The following APOB variants were observed in gnomAD, a reference collection of about 807,000 sequenced individuals.
APOB encodes apolipoprotein B-100.
APOB carries 153 observed loss-of-function variants against 314.1 expected under a neutral mutation model. The ratio of observed to expected loss-of-function variants is 0.49; its 90% CI spans 0.43 to 0.56. APOB has a LOEUF of 0.56. APOB is among the 20% of genes least tolerant of loss of function. The pLI, the probability that APOB is intolerant of heterozygous loss-of-function variation, is 0.00. For synonymous variants in APOB, 2,087 were observed against 2,036.4 expected, an observed-to-expected ratio of 1.02 and a Z score of -0.67; for missense variants, 5,430 against 5,350.7, an observed-to-expected ratio of 1.01 and a Z score of -0.46.
chr2:21,022,884 C>T lies in APOB; in HGVS notation c.2763G>A (p.Lys921=), dbSNP rs1161799540. The change falls in exon 18 of 29, where the codon AAG becomes AAA. Residue 921 remains lysine (K), a synonymous_variant. Coordinates refer to ENST00000233242, the MANE Select transcript of APOB (RefSeq NM_000384.3). ...LEAHVALKAG[K]LKFIIPSPKR... is the part of the protein sequence containing the mutation. ...TTGGGGAAGGAATGATAAACTTCAG[C>T]TTCCCAGCTTTTAGGGCAACATGAG... 5 of 1,614,062 alleles carry T rather than the reference C, an allele frequency of 3.1e-6. No individual in the cohort carries two copies. The South Asian group carries it at 4.4e-5, about 14-fold the overall frequency.
At chr2:21,014,388 A>G in intron 24 of APOB, 60 bp downstream of exon 24, 2 of 1,589,500 alleles carry the variant, frequency 1.3e-6, no homozygotes, top group Non-Finnish European at 8.6e-7. Context: ...AAATCATGCT[A>G]TGTAAAATCT....
chr2:21,002,288 A>G lies in APOB; in HGVS notation c.13134T>C (p.His4378=), dbSNP rs201037997. The G allele has an allele frequency of 5.3e-5, 85 of 1,613,980 alleles. No individual in the cohort carries two copies. The highest frequency in any genetic ancestry group is 4.2e-6 in the Non-Finnish European group (5 of 1,179,982). Residue 4378 remains histidine, a synonymous_variant, in exon 29 of 29, where the codon CAT becomes CAC. Coordinates refer to ENST00000233242, the MANE Select transcript of APOB (RefSeq NM_000384.3). ...QEASQELQQI[H]QYIMALREEY... ...CTTCACGAAGGGCCATAATGTATTG[A>G]TGGATCTGCTGTAACTCTTGAGAAG...
rs1367021889 is a variant in APOB, at chr2:21,009,063, A to C, written c.7805T>G (p.Val2602Gly). The change falls in exon 26 of 29, where the codon GTC becomes GGC. Residue 2602 changes from valine to glycine, a missense_variant. Physicochemically the swap from Val to Gly is moderately radical, Grantham distance 109 (BLOSUM62 -3). Transcript: ENST00000233242. ...TILGTMPAFE[V>G]SLQALQKATF... ...AGCTTTCTGAAGAGCCTGAAGACTG[A>C]CTTCAAAGGCAGGCATGGTCCCAAG... 1.6e-5 allele frequency: 26 copies of C among 1,614,114 alleles called. No individual in the cohort carries two copies. The highest frequency in any genetic ancestry group is 2.0e-5 in the Non-Finnish European group (24 of 1,179,968).
chr2:21,019,232 C>T (rs1196734988), intron 19 of APOB, 119 bp from the exon 20 acceptor site: 11 of 1,312,312 alleles, frequency 8.4e-6, no homozygotes, highest in Non-Finnish European at 1.1e-5. Flanking sequence ...TTAACATTGT[C>T]TCTTGCCCTT....
chr2:21,011,928 A>C lies in APOB; in HGVS notation c.4940T>G (p.Ile1647Ser). The C allele has an allele frequency of 6.2e-7, 1 of 1,614,040 alleles. No individual in the cohort carries two copies. Reference protein sequence around the residue: ...NSGAHKATLRIGQDGISTSAT... With the variant: ...NSGAHKATLRSGQDGISTSAT... ...ACTGGTAGATATTCCATCTTGGCCA[A>C]TCCTTAGTGTCGCCTTGTGAGCACC... is the stretch of plus-strand genomic sequence containing the variant. The change falls in exon 26 of 29, where the codon ATT becomes AGT. Residue 1647 changes from isoleucine to serine, a missense_variant. Physicochemically the swap from Ile to Ser is moderately radical, Grantham distance 142. Transcript: ENST00000233242.
Position 21,032,407 on chromosome 2 carries a change from C to T in APOB, c.1299G>A (p.Ala433=), listed in dbSNP as rs1015207876. The part of the protein sequence containing the change: ...AQQLREIFNM[A]RDQRSRATLY... ...AGGTGGCTCGGCTGCGCTGATCCCT[C>T]GCCATGTTGAAGATCTCTCGCAGCT... Residue 433 remains alanine (A), a synonymous_variant, in exon 10 of 29, where the codon GCG becomes GCA. Transcript: ENST00000233242. 1.9e-5 allele frequency: 30 copies of T among 1,614,016 alleles called. No individual in the cohort carries two copies. Among genetic ancestry groups the T allele is most frequent in the East Asian group, 2.2e-5 (1 of 44,874 alleles).
chr2:21,005,174 C>T lies in APOB; in HGVS notation c.11694G>A (p.Trp3898Ter). Residue 3898 changes from tryptophan (W) to a stop codon, truncating the protein, a stop_gained, in exon 26 of 29, where the codon TGG becomes TGA. Coordinates refer to ENST00000233242, the MANE Select transcript of APOB (RefSeq NM_000384.3). LOFTEE classifies it high-confidence loss of function. ...CTGCTTTGTTTTTCAAACTGGCACT[C>T]CAAGTGGCATTATACACGGGAGAGT... The part of the protein sequence containing the change: ...EVDSPVYNAT[W>*]SASLKNKADY... The T allele has an allele frequency of 6.2e-7, 1 of 1,614,012 alleles. No homozygotes were observed.
At chr2:21,034,365 G>A (rs903550380) in intron 8 of APOB, among the ~76,000 whole-genome samples, 6 of 152,196 alleles carry the variant, frequency 3.9e-5, no homozygotes, top group African/African-American at 1.4e-4. Flanking sequence ...GTACAAGAAG[G>A]AATTTGGACA....
Position 21,012,203 on chromosome 2 carries a change from A to G in APOB, c.4665T>C (p.Ile1555=). The G allele has an allele frequency of 6.2e-7, 1 of 1,603,198 alleles. No individual in the cohort carries two copies. Among genetic ancestry groups the G allele is most frequent in the Non-Finnish European group, 8.5e-7 (1 of 1,173,640 alleles). Residue 1555 remains isoleucine, a synonymous_variant, in exon 26 of 29, where the codon ATT becomes ATC. Transcript: ENST00000233242. ...CATACTTTAGGGAAGCAGTATTTTT[A>G]ATGATGCCACTTTGCAGATCAGAGG... is the stretch of plus-strand genomic sequence containing the variant. ...TSTSDLQSGI[I]KNTASLKYEN...
In APOB at chr2:21,009,436, C is replaced by A. The variant is rs1663244266; in HGVS notation, c.7432G>T (p.Ala2478Ser). 1.2e-6 allele frequency: 2 copies of A among 1,613,888 alleles called. No individual in the cohort carries two copies. Among genetic ancestry groups the A allele is most frequent in the Non-Finnish European group, 1.7e-6 (2 of 1,179,980 alleles). The change falls in exon 26 of 29, where the codon GCA (alanine) becomes TCA (serine). Residue 2478 changes from alanine (A) to serine (S), a missense_variant. Transcript: ENST00000233242. ...TCCTGTAGGCTTTCCAGATACACTG[C>A]AACTGTGGCCTTGGTTTCCTCTAAA... The part of the protein sequence containing the change: ...LFLEETKATV[A>S]VYLESLQDTK...
chr2:21,026,687 T>G lies in APOB; in HGVS notation c.2244+101A>C. On this transcript the variant is annotated intron_variant, in intron 15 of 28. Coordinates refer to ENST00000233242, the MANE Select transcript of APOB (RefSeq NM_000384.3). ...GGTTGATAAAAACCATAGTTATCCC[T>G]TCAGTTAGATAGTATTTTGAGGACT... 6.0e-6 allele frequency: 6 copies of G among 994,132 alleles called. No individual in the cohort carries two copies. The South Asian group carries it at 7.8e-5, about 13-fold the overall frequency. The allele number at this position is 994,132 out of a possible 1,614,324, so 61.6% of individuals were successfully genotyped here. A position where few individuals can be genotyped will look rare whatever the true frequency, so the allele number is the denominator to read the frequency against.
Position 21,011,830 on chromosome 2 carries a change from C to A in APOB, c.5038G>T (p.Ala1680Ser), listed in dbSNP as rs372282063. Reference protein sequence around the residue: ...ELNAELGLSGASMKLTTNGRF... With the variant: ...ELNAELGLSGSSMKLTTNGRF... ...CCATTTGTTGTTAATTTCATAGATG[C>A]CCCAGAGAGGCCAAGCTCTGCATTC... Residue 1680 changes from alanine to serine, a missense_variant, in exon 26 of 29, where the codon GCA (alanine) becomes TCA (serine). Transcript: ENST00000233242. 1.6e-5 allele frequency: 26 copies of A among 1,613,970 alleles called. No homozygotes were observed. The highest frequency in any genetic ancestry group is 4.4e-5 in the South Asian group (4 of 91,082).
intron 15 of APOB, among the ~76,000 whole-genome samples, chr2:21,025,859 A>G (rs1429540198): frequency 6.6e-6 from 1 of 152,232 alleles, no homozygotes; most frequent in African/African-American, 2.4e-5. Flanking sequence ...CACTTTGGGT[A>G]GCAAAAAATT....
Position 21,019,029 on chromosome 2 carries a change from G to A in APOB, c.3084C>T (p.Ala1028=). 1 of 1,613,938 alleles carries A rather than the reference G, an allele frequency of 6.2e-7. No individual in the cohort carries two copies. The highest frequency in any genetic ancestry group is 8.5e-7 in the Non-Finnish European group (1 of 1,180,012). ...ATYELQREDR[A]LVDTLKFVTQ... is the part of the protein sequence containing the mutation. ...TTACAAACTTCAGGGTATCCACCAA[G>A]GCTCTGTCCTCTCTCTGGAGCTCAT... The change falls in exon 20 of 29, where the codon GCC becomes GCT. Residue 1028 remains alanine, a synonymous_variant. Coordinates refer to ENST00000233242, the MANE Select transcript of APOB (RefSeq NM_000384.3).
chr2:21,034,611 G>A (rs1009180599), intron 8 of APOB, among the ~76,000 whole-genome samples: 1 of 152,178 alleles, frequency 6.6e-6, no homozygotes, highest in South Asian at 2.1e-4. Flanking sequence ...AAATGCCTAA[G>A]TAGCTTTGGG....
Position 21,005,797 on chromosome 2 carries a change from C to T in APOB, c.11071G>A (p.Asp3691Asn), listed in dbSNP as rs149268579. The T allele has an allele frequency of 1.2e-6, 2 of 1,613,844 alleles. No homozygotes were observed. The highest frequency in any genetic ancestry group is 2.7e-5 in the African/African-American group (2 of 74,880). ...DKSLWDFLKL[D>N]VTTSIGRRQH... is the part of the protein sequence containing the mutation. ...CTCCTACCAATGCTGGTGGTTACATCCAGCTTTAGGAAATCCCATAAGCTC... is the reference window on the plus strand; with the variant it reads ...CTCCTACCAATGCTGGTGGTTACATTCAGCTTTAGGAAATCCCATAAGCTC... The change falls in exon 26 of 29, where the codon GAT becomes AAT. Residue 3691 changes from aspartate (D) to asparagine (N), a missense_variant. By Grantham distance (23) the Asp-to-Asn change is conservative (BLOSUM62 1). Coordinates refer to ENST00000233242, the MANE Select transcript of APOB (RefSeq NM_000384.3).
chr2:21,030,111 C>A, intron 10 of APOB, 96 bp from the exon 11 acceptor site: 1 of 798,320 alleles, frequency 1.3e-6, no homozygotes, highest in Non-Finnish European at 2.1e-6. Flanking sequence ...TTATAAAATT[C>A]ATATGGAATC....
chr2:21,001,814 C>T lies in APOB; in HGVS notation c.13608G>A (p.Thr4536=), dbSNP rs377641527. 26 of 1,613,812 alleles carry T rather than the reference C, an allele frequency of 1.6e-5. No homozygotes were observed. Among genetic ancestry groups the T allele is most frequent in the South Asian group, 3.3e-5 (3 of 91,080 alleles). ...QNYHTFLIYI[T]ELLKKLQSTT... Reference sequence around the variant, plus strand: ...TTGATTGCAGCTTTTTCAGTAACTCCGTGATGTATATCAGAAATGTGTGGT... The same window carrying T: ...TTGATTGCAGCTTTTTCAGTAACTCTGTGATGTATATCAGAAATGTGTGGT... The change falls in exon 29 of 29, where the codon ACG becomes ACA. Residue 4536 remains threonine (T), a synonymous_variant. Coordinates refer to ENST00000233242, the MANE Select transcript of APOB (RefSeq NM_000384.3).
intron 28 of APOB, 32 bp downstream of exon 28, chr2:21,004,237 T>G (rs769936207): frequency 6.2e-7 from 1 of 1,610,364 alleles, no homozygotes; most frequent in Non-Finnish European, 8.5e-7. Context: ...CACTCGCTCT[T>G]GGGGGCGTGT....
Sources: gnomAD v4.1 joint callset for allele counts (sites outside exome capture counted in the v4.1 genomes callset) on GRCh38, gnomAD v4.1.1 for gene constraint, MANE v1.5 for transcripts, NCBI Gene and HGNC (gene_info 2026-07-23, HGNC 2026-07-21) for gene names.